Variants in RAB22A observed in about 807,000 individuals in gnomAD.
RAB22A encodes ras-related protein Rab-22A.
Under a neutral mutation model 30.2 loss-of-function variants are expected in RAB22A, and 13 were observed. The observed-to-expected ratio is 0.43, with a 90% CI of 0.28 to 0.68. The LOEUF (loss-of-function observed/expected upper bound fraction) is 0.68. RAB22A is among the 30% of genes least tolerant of loss of function. RAB22A has a pLI of 0.18. For missense variants in RAB22A, 177 were observed against 246.8 expected, an observed-to-expected ratio of 0.72 and a Z score of 1.89; for synonymous variants, 89 against 87.2, an observed-to-expected ratio of 1.02 and a Z score of -0.11.
At chr20:58,313,107 TAAG>T (rs1986263494) in intron 2 of RAB22A, among the ~76,000 whole-genome samples, 1 of 152,006 alleles carries the variant, frequency 6.6e-6, no homozygotes, top group South Asian at 2.1e-4. Flanking sequence ...CTCTCTCAAA[TAAG>T]AAGAGAGAAA....
intron 6 of RAB22A, 117 bp downstream of exon 6, chr20:58,354,382 G>A (rs1438034868): frequency 1.1e-5 from 7 of 648,424 alleles, no homozygotes; most frequent in Non-Finnish European, 1.8e-5. Flanking sequence ...ATTGTGATCA[G>A]TGAAATGAAG....
In RAB22A at chr20:58,353,414, C is replaced by CT; in HGVS notation, c.271-12dup. 1.2e-6 allele frequency: 2 copies of CT among 1,610,104 alleles called. No individual in the cohort carries two copies. The highest frequency in any genetic ancestry group is 1.7e-4 in the Middle Eastern group (1 of 6,050). ...GGTTGCTTAGATCTCCAGTTGCTCTCTTTTTTGTGTGTTACAGGAGACATT... is the reference window on the plus strand; with the variant it reads ...GGTTGCTTAGATCTCCAGTTGCTCTCTTTTTTTGTGTGTTACAGGAGACATT... On this transcript the variant is annotated splice_polypyrimidine_tract_variant and intron_variant, in intron 4 of 6. Coordinates refer to ENST00000244040, the MANE Select transcript of RAB22A (RefSeq NM_020673.3).
chr20:58,321,386 G>A (rs1454451794), intron 2 of RAB22A, among the ~76,000 whole-genome samples: 2 of 151,902 alleles, frequency 1.3e-5, no homozygotes, highest in Middle Eastern at 3.2e-3. Flanking sequence ...GTCTATTGTG[G>A]TCAGAGAACA....
rs1214952820 is a variant in RAB22A, at chr20:58,365,446, A to G, written c.*5743A>G. 1 of 152,224 alleles carries G rather than the reference A, an allele frequency of 6.6e-6. No individual in the cohort carries two copies. Among genetic ancestry groups the G allele is most frequent in the Non-Finnish European group, 1.5e-5 (1 of 68,054 alleles). 9.4% of individuals were successfully genotyped at this position (152,224 alleles called of 1,614,324 possible). On this transcript the variant is annotated 3_prime_UTR_variant, in exon 7 of 7. Coordinates refer to ENST00000244040, the MANE Select transcript of RAB22A (RefSeq NM_020673.3). ...ATCATTTGGCCATTAATTTTTAATT[A>G]AGTTTATACTTGAATAATCAGTTTT...
chr20:58,325,003 C>T (rs1019997272), intron 2 of RAB22A, among the ~76,000 whole-genome samples: 6 of 147,822 alleles, frequency 4.1e-5, no homozygotes, highest in African/African-American at 1.3e-4. Flanking sequence ...GGTGAAACCC[C>T]GTCTCTACTA....
At chr20:58,314,911 T>C (rs1986305665) in intron 2 of RAB22A, among the ~76,000 whole-genome samples, 1 of 150,244 alleles carries the variant, frequency 6.7e-6, no homozygotes, top group African/African-American at 2.4e-5. Flanking sequence ...TGAGGGACGG[T>C]GGGTAGAAAA....
chr20:58,338,094 T>G (rs1438794477), intron 2 of RAB22A, among the ~76,000 whole-genome samples: 1 of 152,126 alleles, frequency 6.6e-6, no homozygotes, highest in Non-Finnish European at 1.5e-5. Flanking sequence ...TGGCGCAATC[T>G]CAGCTCACTG....
intron 2 of RAB22A, among the ~76,000 whole-genome samples, chr20:58,339,608 C>G (rs765281124): frequency 6.6e-6 from 1 of 152,134 alleles, no homozygotes; most frequent in Non-Finnish European, 1.5e-5. Flanking sequence ...CCAGACAGCT[C>G]TACTTCAAAA....
chr20:58,325,928 G>A (rs952266381), intron 2 of RAB22A, among the ~76,000 whole-genome samples: 8 of 152,030 alleles, frequency 5.3e-5, no homozygotes, highest in Non-Finnish European at 8.8e-5. Context: ...AAGTTACTAA[G>A]AGGAATGAGT....
intron 6 of RAB22A, among the ~76,000 whole-genome samples, chr20:58,358,573 A>G (rs1987172286): frequency 6.6e-6 from 1 of 152,202 alleles, no homozygotes; most frequent in Non-Finnish European, 1.5e-5. Flanking sequence ...TGGTACATCT[A>G]CAAATGCAGT....
intron 2 of RAB22A, among the ~76,000 whole-genome samples, chr20:58,334,974 A>G (rs553861296): frequency 1.4e-4 from 22 of 152,358 alleles, no homozygotes; most frequent in Non-Finnish European, 2.5e-4. Context: ...AAAAATGTTT[A>G]TAGCAGGCTT....
chr20:58,339,587 A>G (rs1986820456), intron 2 of RAB22A, among the ~76,000 whole-genome samples: 1 of 152,168 alleles, frequency 6.6e-6, no homozygotes, highest in Admixed American at 6.5e-5. Context: ...GATTAAATAT[A>G]AAATGAAGAA....
chr20:58,315,849 A>G (rs1361704320), intron 2 of RAB22A, among the ~76,000 whole-genome samples: 5 of 152,136 alleles, frequency 3.3e-5, no homozygotes, highest in Admixed American at 3.3e-4. Context: ...TGGCTCTGCC[A>G]CTTGGAGTCA....
Position 58,359,878 on chromosome 20 carries a change from A to T in RAB22A, c.*175A>T, listed in dbSNP as rs976082885. ...CCAAAGACTGCAGCAATGATATTTC[A>T]GTCTGTGAACTTCTATTATGTAAAG... On this transcript the variant is annotated 3_prime_UTR_variant, in exon 7 of 7. Coordinates refer to ENST00000244040, the MANE Select transcript of RAB22A (RefSeq NM_020673.3). The T allele has an allele frequency of 6.4e-6, 3 of 471,448 alleles. No homozygotes were observed. The highest frequency in any genetic ancestry group is 7.8e-5 in the Admixed American group (2 of 25,652). 29.2% of individuals were successfully genotyped at this position (471,448 alleles called of 1,614,324 possible).
intron 2 of RAB22A, among the ~76,000 whole-genome samples, chr20:58,333,709 A>G (rs1342353723): frequency 1.3e-5 from 2 of 152,202 alleles, no homozygotes; most frequent in Non-Finnish European, 2.9e-5. Context: ...TAGAGAAACT[A>G]TTGAAAAAAT....
chr20:58,324,179 G>A (rs975986762), intron 2 of RAB22A, among the ~76,000 whole-genome samples: 2 of 152,128 alleles, frequency 1.3e-5, no homozygotes, highest in Admixed American at 1.3e-4. Context: ...ATTCATCAGT[G>A]TTGCCATCTG....
At position 58,360,304 on chromosome 20, in the gene RAB22A, A is replaced by C. The variant is rs185239837; in HGVS notation, c.*601A>C. 41 of 152,794 alleles carry C rather than the reference A, an allele frequency of 2.7e-4. No individual in the cohort carries two copies. The highest frequency in any genetic ancestry group is 9.6e-4 in the African/African-American group (40 of 41,592). The allele number at this position is 152,794 out of a possible 1,614,324, so 9.5% of individuals were successfully genotyped here. ...CGTACAGTAAATTAACAATGATAGC[A>C]GCAGATGCCTAGCTCATCCTGGGTT... On this transcript the variant is annotated 3_prime_UTR_variant, in exon 7 of 7. Transcript: ENST00000244040.
chr20:58,320,784 G>A (rs1035401123), intron 2 of RAB22A, among the ~76,000 whole-genome samples: 5 of 152,156 alleles, frequency 3.3e-5, no homozygotes, highest in South Asian at 2.1e-4. Flanking sequence ...GTACAGGTGC[G>A]GTGGTTCGCA....
intron 2 of RAB22A, among the ~76,000 whole-genome samples, chr20:58,315,967 C>A (rs1286628406): frequency 6.6e-6 from 1 of 152,168 alleles, no homozygotes; most frequent in Non-Finnish European, 1.5e-5. Flanking sequence ...CCTCATCTCT[C>A]CTGTGCTTCC....
Sources: allele counts gnomAD v4.1 joint callset (sites outside exome capture counted in the v4.1 genomes callset), GRCh38; gene constraint gnomAD v4.1.1; transcripts MANE v1.5; gene names NCBI Gene and HGNC (gene_info 2026-07-23, HGNC 2026-07-21).